DPP7: variants seen among roughly 807,000 people sequenced by gnomAD.
DPP7 encodes the protein dipeptidyl peptidase 7.
A neutral mutation model predicts 58.8 loss-of-function variants in DPP7; 74 were observed. The observed-to-expected ratio is 1.26, with a 90% CI of 1.04 to 1.53. The LOEUF (loss-of-function observed/expected upper bound fraction) is 1.53, where lower values mean the gene tolerates loss of function less well. DPP7 is among the 40% of genes most tolerant of loss of function. DPP7 has a pLI of 0.00. For missense variants in DPP7, 807 were observed against 692.3 expected (o/e 1.17, Z -1.86); for synonymous variants, 350 against 303.6 (o/e 1.15, Z -1.59).
rs150982400 is a variant in DPP7 at position 137,110,858 on chromosome 9, G to A, written c.1343+22C>T. Reference sequence around the variant, plus strand: ...CTGTCCCGCCCGACCCGCGACCACCGCCAGGCCACCTCCCTCCGCACCTGA... The same window carrying A: ...CTGTCCCGCCCGACCCGCGACCACCACCAGGCCACCTCCCTCCGCACCTGA... On this transcript the variant is annotated intron_variant, in intron 12 of 12. Transcript: ENST00000371579. 2,800 of 1,608,410 alleles carry A rather than the reference G, an allele frequency of 1.7e-3. 43 individuals carry two copies. In the African/African-American group the frequency reaches 0.029, roughly 16 times the overall value.
intron 11 of DPP7, among the ~76,000 whole-genome samples, chr9:137,111,466 T>C (rs1194476317): frequency 2.0e-5 from 3 of 152,132 alleles, no homozygotes; most frequent in Non-Finnish European, 4.4e-5. Flanking sequence ...GCCTGGGCGA[T>C]ATGGTGAGAC....
chr9:137,113,804 C>CT (rs1831497342), intron 4 of DPP7, 61 bp downstream of exon 4: 2 of 863,238 alleles, frequency 2.3e-6, no homozygotes, highest in Non-Finnish European at 2.8e-6. Context: ...GGGAGAAGGG[C>CT]TGGGGGCGCT....
Position 137,113,247 on chromosome 9 carries a change from C to A in DPP7, c.662G>T (p.Arg221Leu), listed in dbSNP as rs367979568. ...GQSPKCTQGV[R>L]EAFRQIKDLF... ...GTCCTTGATCTGTCGGAACGCTTCC[C>A]GCACACCCTGGGTGCATTTGGGACT... Residue 221 changes from arginine to leucine, a missense_variant, in exon 6 of 13, where the codon CGG becomes CTG. By Grantham distance (102) the Arg-to-Leu change is moderately radical. Transcript: ENST00000371579. The A allele has an allele frequency of 6.2e-7, 1 of 1,613,802 alleles. No homozygotes were observed. Among genetic ancestry groups the A allele is most frequent in the South Asian group, 1.1e-5 (1 of 91,084 alleles).
chr9:137,114,900 C>T (rs916202238), upstream of DPP7: 23 of 363,960 alleles, frequency 6.3e-5, no homozygotes, highest in South Asian at 2.2e-3. Context: ...GGGTCCTTCC[C>T]GGGCACGGCG....
Position 137,113,286 on chromosome 9 carries a change from T to C in DPP7, c.623A>G (p.Asp208Gly). The C allele has an allele frequency of 2.5e-6, 4 of 1,613,678 alleles. No individual in the cohort carries two copies. The highest frequency in any genetic ancestry group is 3.4e-6 in the Non-Finnish European group (4 of 1,179,978). The change falls in exon 6 of 13, where the codon GAC becomes GGC. Residue 208 changes from aspartate to glycine, a missense_variant and splice_region_variant. Physicochemically the swap from Asp to Gly is moderately conservative, Grantham distance 94. Transcript: ENST00000371579. Reference protein sequence around the residue: ...SNQFFRDVTADFEGQSPKCTQ... With the variant: ...SNQFFRDVTAGFEGQSPKCTQ... ...GCATTTGGGACTCTGGCCCTCAAAGTCCTGGGGGAAAGAGACCGTGCTGAC... is the reference window on the plus strand; with the variant it reads ...GCATTTGGGACTCTGGCCCTCAAAGCCCTGGGGGAAAGAGACCGTGCTGAC...
At position 137,111,861 on chromosome 9, in the gene DPP7, C is replaced by A. The variant is rs762242625; in HGVS notation, c.1207+12G>T. ...GAAAGCAGGACGCTGGCCCACCCCC[C>A]CTCAGCCTTACCACCCCCCCAGAAG... On this transcript the variant is annotated intron_variant, in intron 10 of 12. Transcript: ENST00000371579. 3.3e-6 allele frequency: 5 copies of A among 1,520,714 alleles called. No individual in the cohort carries two copies. The highest frequency in any genetic ancestry group is 4.6e-6 in the Non-Finnish European group (5 of 1,096,290). 94.2% of individuals were successfully genotyped at this position (1,520,714 alleles called of 1,614,324 possible).
chr9:137,113,429 C>T lies in DPP7; in HGVS notation c.553G>A (p.Ala185Thr). ...GCCACAGCTAGAACGGGCGCGCTGG[C>T]CGCCAGCGCCCCCGCCACCAGGTGG... ...YPHLVAGALA[A>T]SAPVLAVAGL... Residue 185 changes from alanine to threonine, a missense_variant, in exon 5 of 13, where the codon GCC becomes ACC. Physicochemically the swap from Ala to Thr is moderately conservative, Grantham distance 58. This residue lies in a region of DPP7 where 624 missense variants were observed against 531.2 expected (regional missense o/e 1.17). Coordinates refer to ENST00000371579, the MANE Select transcript of DPP7 (RefSeq NM_013379.3). The T allele has an allele frequency of 6.9e-6, 11 of 1,605,460 alleles. No homozygotes were observed. The highest frequency in any genetic ancestry group is 9.4e-6 in the Non-Finnish European group (11 of 1,175,074).
chr9:137,110,844 G>C, intron 12 of DPP7, 36 bp downstream of exon 12: 1 of 1,604,288 alleles, frequency 6.2e-7, no homozygotes, highest in Admixed American at 1.7e-5. Flanking sequence ...TGTCCCGCCC[G>C]ACCCGCGACC....
chr9:137,113,536 AC>A (rs1831484378), intron 4 of DPP7, 40 bp from the exon 5 acceptor site: 1 of 1,514,004 alleles, frequency 6.6e-7, no homozygotes, highest in African/African-American at 1.4e-5. Flanking sequence ...TGCCCCCAAC[AC>A]CCCATTTCCT....
In DPP7 at chr9:137,113,218, A is replaced by G; in HGVS notation, c.691T>C (p.Phe231Leu). The G allele has an allele frequency of 6.2e-7, 1 of 1,613,666 alleles. No homozygotes were observed. Among genetic ancestry groups the G allele is most frequent in the Non-Finnish European group, 8.5e-7 (1 of 1,179,920 alleles). The change falls in exon 6 of 13, where the codon TTC becomes CTC. Residue 231 changes from phenylalanine (F) to leucine (L), a missense_variant. Transcript: ENST00000371579. ...GGGAGGACCTCACCTCCCTGTAGGAACAAGTCCTTGATCTGTCGGAACGCT... is the reference window on the plus strand; with the variant it reads ...GGGAGGACCTCACCTCCCTGTAGGAGCAAGTCCTTGATCTGTCGGAACGCT... ...REAFRQIKDLFLQGAYDTVRW... is the reference protein window; with the variant it reads ...REAFRQIKDLLLQGAYDTVRW...
At chr9:137,113,622 C>A (rs764873848) in intron 4 of DPP7, 126 bp from the exon 5 acceptor site, 1 of 1,433,870 alleles carries the variant, frequency 7.0e-7, no homozygotes, top group South Asian at 1.5e-5. Context: ...CAACCCTGGG[C>A]CAGGTGCGGG....
chr9:137,113,081 G>A lies in DPP7; in HGVS notation c.742C>T (p.Pro248Ser), dbSNP rs1298195596. 1 of 1,613,846 alleles carries A rather than the reference G, an allele frequency of 6.2e-7. No homozygotes were observed. The highest frequency in any genetic ancestry group is 8.5e-7 in the Non-Finnish European group (1 of 1,180,024). Residue 248 changes from proline (P) to serine (S), a missense_variant, in exon 7 of 13, where the codon CCG becomes TCG. By Grantham distance (74) the Pro-to-Ser change is moderately conservative. This residue lies in a region of DPP7 where 624 missense variants were observed against 531.2 expected (regional missense o/e 1.17). Transcript: ENST00000371579. Reference protein sequence around the residue: ...TVRWEFGTCQPLSDEKDLTQL... With the variant: ...TVRWEFGTCQSLSDEKDLTQL... The stretch of plus-strand genomic sequence containing the variant: ...GTCAGGTCCTTCTCGTCTGACAGCG[G>A]CTGGCAGGTGCCGAACTCCCAGCGG...
rs1388292277 is a variant in DPP7, at chr9:137,112,744, C to A, written c.931+1G>T. The A allele has an allele frequency of 6.2e-7, 1 of 1,602,030 alleles. No homozygotes were observed. Among genetic ancestry groups the A allele is most frequent in the South Asian group, 1.1e-5 (1 of 89,472 alleles). On this transcript the variant is annotated splice_donor_variant, in intron 8 of 12. Transcript: ENST00000371579. LOFTEE classifies it high-confidence loss of function. ...CCCATCTGGGGCCGGGGGAAGGGCA[C>A]CTGCCAGTGCTCGCAGCCCCGTGAT...
chr9:137,113,736 C>T (rs1200671175), intron 4 of DPP7, 129 bp downstream of exon 4: 4 of 1,420,104 alleles, frequency 2.8e-6, no homozygotes, highest in Non-Finnish European at 2.8e-6. Context: ...CAACACTAAG[C>T]CTGGAACCAC....
At position 137,112,287 on chromosome 9, in the gene DPP7, G is replaced by A. The variant is rs935398111; in HGVS notation, c.932-57C>T. ...CACACACAGACACACCGCGGGCTCC[G>A]GCCACCAACCTGTCCCCCCTCGGAA... On this transcript the variant is annotated intron_variant, in intron 8 of 12. Coordinates refer to ENST00000371579, the MANE Select transcript of DPP7 (RefSeq NM_013379.3). The A allele has an allele frequency of 7.7e-5, 109 of 1,413,258 alleles. No homozygotes were observed. In the African/African-American group the frequency reaches 8.2e-4, roughly 11 times the overall value. The allele number at this position is 1,413,258 out of a possible 1,614,324, so 87.5% of individuals were successfully genotyped here. A position where few individuals can be genotyped will look rare whatever the true frequency, so the allele number is the denominator to read the frequency against.
At chr9:137,115,351 G>T (rs1274460336), upstream of DPP7, among the ~76,000 whole-genome samples, 1 of 152,184 alleles carries the variant, frequency 6.6e-6, no homozygotes, top group East Asian at 1.9e-4. Flanking sequence ...GACAAGGGGG[G>T]ACCAGAGGCC....
chr9:137,113,559 CA>C, intron 4 of DPP7, 63 bp from the exon 5 acceptor site: 1 of 1,494,886 alleles, frequency 6.7e-7, no homozygotes, highest in Non-Finnish European at 8.9e-7. Flanking sequence ...TTTTCCTCCT[CA>C]GGGGCCCACA....
intron 7 of DPP7, 35 bp downstream of exon 7, chr9:137,112,918 G>A (rs780324880): frequency 9.9e-6 from 16 of 1,610,780 alleles, no homozygotes; most frequent in African/African-American, 4.0e-5. Context: ...CACTCCAGCC[G>A]GCCTCTCCCT....
rs775845198 is a variant in DPP7, at chr9:137,110,600, T to C, written c.*48A>G. Reference sequence around the variant, plus strand: ...TTCCCTCTGCCGCCAGCTGCTTGAGTGAAGCCCCCACTCCATGAGGAGCCT... The same window carrying C: ...TTCCCTCTGCCGCCAGCTGCTTGAGCGAAGCCCCCACTCCATGAGGAGCCT... On this transcript the variant is annotated 3_prime_UTR_variant, in exon 13 of 13. Transcript: ENST00000371579. 6.3e-7 allele frequency: 1 copy of C among 1,581,318 alleles called. No individual in the cohort carries two copies. The highest frequency in any genetic ancestry group is 2.3e-5 in the East Asian group (1 of 44,218).
Sources: allele counts gnomAD v4.1 joint callset (sites outside exome capture counted in the v4.1 genomes callset), GRCh38; gene constraint gnomAD v4.1.1; regional missense constraint gnomAD v4.1.1; transcripts MANE v1.5; gene names NCBI Gene and HGNC (gene_info 2026-07-23, HGNC 2026-07-21).